The following KIAA1328 variants were observed in gnomAD, a reference collection of about 807,000 sequenced individuals.
KIAA1328 encodes KIAA1328, also known as protein hinderin.
A neutral mutation model predicts 68.1 loss-of-function variants in KIAA1328; 52 were observed. The observed-to-expected ratio is 0.76, with a 90% CI of 0.61 to 0.96. KIAA1328 has a LOEUF of 0.96. Ranked by LOEUF, KIAA1328 falls within the 40% of genes least tolerant of loss-of-function variation. The pLI is 0.00. For synonymous variants in KIAA1328, 232 were observed against 239.4 expected (o/e 0.97, Z 0.28); for missense variants, 641 against 677.6 (o/e 0.95, Z 0.60).
intron 9 of KIAA1328, among the ~76,000 whole-genome samples, chr18:37,209,407 C>T (rs1395987361): frequency 6.6e-6 from 1 of 152,024 alleles, no homozygotes; most frequent in African/African-American, 2.4e-5. Context: ...TAAATAACGA[C>T]CCTACCCTTA....
At position 36,958,761 on chromosome 18, in the gene KIAA1328, ATT is replaced by A. The variant is rs1435214942; in HGVS notation, c.449-544_449-543del. On this transcript the variant is annotated intron_variant, in intron 5 of 9. Transcript: ENST00000280020. ...ATTCTTTACCATGTCATTTCCAAATATTTTCTCTCATTCAGGGGGTTGTTTTT... is the reference window on the plus strand; with the variant it reads ...ATTCTTTACCATGTCATTTCCAAATATTCTCTCATTCAGGGGGTTGTTTTT... 2.6e-5 allele frequency among the ~76,000 whole-genome samples: 4 copies of A among 151,984 alleles called. No homozygotes were observed. The East Asian group carries it at 7.7e-4, about 29-fold the overall frequency.
chr18:37,047,365 T>A (rs905329810), intron 6 of KIAA1328, among the ~76,000 whole-genome samples: 1 of 152,194 alleles, frequency 6.6e-6, no homozygotes, highest in African/African-American at 2.4e-5. Flanking sequence ...ACTTGGCTCA[T>A]TGGCCATCTA....
chr18:37,059,997 G>A (rs2056083383), intron 6 of KIAA1328, among the ~76,000 whole-genome samples: 1 of 151,664 alleles, frequency 6.6e-6, no homozygotes, highest in Admixed American at 6.6e-5. Flanking sequence ...ATCACACACT[G>A]GGGCCTGTTG....
At chr18:37,152,568 C>T (rs2059059499) in intron 7 of KIAA1328, among the ~76,000 whole-genome samples, 1 of 152,070 alleles carries the variant, frequency 6.6e-6, no homozygotes, top group Non-Finnish European at 1.5e-5. Flanking sequence ...AACAATCCTT[C>T]GTTTTGTTGG....
At chr18:36,836,933 C>G (rs759067835) in intron 3 of KIAA1328, among the ~76,000 whole-genome samples, 2 of 152,092 alleles carry the variant, frequency 1.3e-5, no homozygotes, top group Non-Finnish European at 2.9e-5. Context: ...ATAATGATTT[C>G]AAGGTTCATC....
intron 6 of KIAA1328, among the ~76,000 whole-genome samples, chr18:36,987,637 A>G (rs1288040458): frequency 1.3e-5 from 2 of 152,136 alleles, no homozygotes; most frequent in Non-Finnish European, 1.5e-5. Context: ...AGTTGGACAG[A>G]TTCAGGAATA....
intron 9 of KIAA1328, among the ~76,000 whole-genome samples, chr18:37,188,289 T>C (rs1022814172): frequency 6.6e-6 from 1 of 152,136 alleles, no homozygotes; most frequent in Admixed American, 6.5e-5. Flanking sequence ...GCCTCTAAAA[T>C]AAAACTTCTC....
intron 9 of KIAA1328, among the ~76,000 whole-genome samples, chr18:37,190,332 T>G (rs998703935): frequency 6.6e-6 from 1 of 152,210 alleles, no homozygotes; most frequent in Non-Finnish European, 1.5e-5. Context: ...TAAAAATCAC[T>G]GCTATAAAAT....
intron 4 of KIAA1328, among the ~76,000 whole-genome samples, chr18:36,848,331 T>C (rs1371797803): frequency 6.6e-6 from 1 of 151,566 alleles, no homozygotes; most frequent in Non-Finnish European, 1.5e-5. Flanking sequence ...GTGGTGTTAT[T>C]AGAAATTTTA....
At chr18:36,913,426 A>G (rs115658142) in intron 5 of KIAA1328, among the ~76,000 whole-genome samples, 1,781 of 146,434 alleles carry the variant, frequency 0.012, 35 homozygotes, top group African/African-American at 0.043. Context: ...TTTTTTTTTG[A>G]TAAGAGGCTC....
chr18:36,964,464 AT>A (rs775204664), intron 6 of KIAA1328, among the ~76,000 whole-genome samples: 2 of 152,150 alleles, frequency 1.3e-5, no homozygotes, highest in Non-Finnish European at 2.9e-5. Flanking sequence ...TAAATAGCAT[AT>A]TATGGTTTTG....
intron 9 of KIAA1328, among the ~76,000 whole-genome samples, chr18:37,181,841 A>G (rs2059704331): frequency 6.6e-6 from 1 of 152,194 alleles, no homozygotes. Flanking sequence ...CAAATGTTCT[A>G]CAACAATGTT....
intron 5 of KIAA1328, among the ~76,000 whole-genome samples, chr18:36,914,447 C>T (rs865961182): frequency 1.3e-5 from 2 of 152,126 alleles, no homozygotes; most frequent in South Asian, 2.1e-4. Context: ...CAGGGCCGGG[C>T]GTGGTGGCTC....
intron 5 of KIAA1328, among the ~76,000 whole-genome samples, chr18:36,952,070 TC>T (rs1475518964): frequency 2.0e-5 from 3 of 152,310 alleles, no homozygotes; most frequent in Middle Eastern, 3.4e-3. Context: ...ACTCATTCTG[TC>T]CCACTCAGGA....
intron 7 of KIAA1328, among the ~76,000 whole-genome samples, chr18:37,076,626 A>G (rs1226086952): frequency 2.0e-5 from 3 of 151,870 alleles, no homozygotes; most frequent in Admixed American, 6.6e-5. Context: ...AATCAAATAG[A>G]TGCAATAAAA....
At chr18:36,977,902 G>A (rs1356087983) in intron 6 of KIAA1328, among the ~76,000 whole-genome samples, 2 of 152,064 alleles carry the variant, frequency 1.3e-5, no homozygotes, top group East Asian at 3.9e-4. Context: ...TCATGTCTCA[G>A]CCTTTCAAGT....
chr18:36,933,363 A>G lies in KIAA1328; in HGVS notation c.449-25945A>G, dbSNP rs530351736. On this transcript the variant is annotated intron_variant, in intron 5 of 9. Transcript: ENST00000280020. Reference sequence around the variant, plus strand: ...CCGGGCCTTGGTGGGGCCCCCTCCAATCAGTGGTGCTATGCTGTGCTGTGC... The same window carrying G: ...CCGGGCCTTGGTGGGGCCCCCTCCAGTCAGTGGTGCTATGCTGTGCTGTGC... Among the ~76,000 whole-genome samples the G allele has an allele frequency of 5.3e-5, 8 of 152,126 alleles. No homozygotes were observed. In the East Asian group the frequency reaches 1.5e-3, roughly 29 times the overall value.
intron 9 of KIAA1328, among the ~76,000 whole-genome samples, chr18:37,196,449 T>C (rs2060004917): frequency 6.6e-6 from 1 of 152,114 alleles, no homozygotes; most frequent in South Asian, 2.1e-4. Flanking sequence ...CCTTTATTAG[T>C]TTGAGGTATG....
At chr18:36,939,872 G>A (rs1423968516) in intron 5 of KIAA1328, among the ~76,000 whole-genome samples, 1 of 151,978 alleles carries the variant, frequency 6.6e-6, no homozygotes. Context: ...TTGAACAAAT[G>A]TCTGCTGTTT....
Sources: gnomAD v4.1 joint callset for allele counts (sites outside exome capture counted in the v4.1 genomes callset) on GRCh38, gnomAD v4.1.1 for gene constraint, MANE v1.5 for transcripts, NCBI Gene and HGNC (gene_info 2026-07-23, HGNC 2026-07-21) for gene names.